The following MARCHF5 variants were observed in gnomAD, a reference collection of about 807,000 sequenced individuals.
MARCHF5 encodes membrane associated ring-CH-type finger 5.
MARCHF5 carries 5 observed loss-of-function variants against 36.5 expected under a neutral mutation model. That is an observed-to-expected ratio of 0.14 (90% CI 0.07 to 0.29). The LOEUF (loss-of-function observed/expected upper bound fraction) is 0.29, where lower values mean the gene tolerates loss of function less well. Among genes scored for constraint, MARCHF5 ranks in the 10% least tolerant of loss-of-function variants. The probability of loss-of-function intolerance (pLI) is 1.00; values close to 1 mark genes in which losing one functional copy is unlikely to be tolerated. For missense variants in MARCHF5, 179 were observed against 336.3 expected (o/e 0.53, Z 3.66); for synonymous variants, 103 against 109.9 (o/e 0.94, Z 0.39).
Position 92,303,119 on chromosome 10 carries a change from A to G in MARCHF5, c.36-8016A>G, listed in dbSNP as rs552494760. 9.8e-4 allele frequency among the ~76,000 whole-genome samples: 150 copies of G among 152,326 alleles called. 2 individuals are homozygous for G. In the South Asian group the frequency reaches 0.029, roughly 30 times the overall value. On this transcript the variant is annotated intron_variant, in intron 1 of 5. Transcript: ENST00000358935. ...TTGCTTAATTTAGTGCCAGTGAGAAACTATCTTTTTGATAAATAAAGCCCC... is the reference window on the plus strand; with the variant it reads ...TTGCTTAATTTAGTGCCAGTGAGAAGCTATCTTTTTGATAAATAAAGCCCC...
rs933866230 is a variant in MARCHF5 at position 92,353,954 on chromosome 10, T to A, written c.*2747T>A. The A allele has an allele frequency of 6.6e-6, 1 of 152,634 alleles. No homozygotes were observed. The highest frequency in any genetic ancestry group is 1.5e-5 in the Non-Finnish European group (1 of 68,028). The allele number at this position is 152,634 out of a possible 1,614,324, so 9.5% of individuals were successfully genotyped here. ...TGGCTGGATTAGGTTAAATAAAGAA[T>A]TTTTATGTTCTCTAGGTGTACTTTG... On this transcript the variant is annotated 3_prime_UTR_variant, in exon 6 of 6. Transcript: ENST00000358935.
intron 2 of MARCHF5, among the ~76,000 whole-genome samples, chr10:92,322,641 G>T (rs527722948): frequency 6.7e-6 from 1 of 149,490 alleles, no homozygotes; most frequent in African/African-American, 2.5e-5. Context: ...TAGTGACAGG[G>T]TTTTGCCATG....
At chr10:92,320,230 T>A (rs11492706) in intron 2 of MARCHF5, among the ~76,000 whole-genome samples, 7 of 145,882 alleles carry the variant, frequency 4.8e-5, no homozygotes, top group Admixed American at 2.1e-4. Context: ...ATTTTTTTTT[T>A]ATTTTTTGTA....
intron 2 of MARCHF5, among the ~76,000 whole-genome samples, chr10:92,331,544 G>T (rs1256407643): frequency 4.0e-5 from 6 of 151,572 alleles, no homozygotes; most frequent in African/African-American, 1.5e-4. Flanking sequence ...TATATTGTTT[G>T]TCCCTAACTA....
chr10:92,328,303 GTAGTGTTT>G (rs1242850521), intron 2 of MARCHF5, among the ~76,000 whole-genome samples: 10 of 146,246 alleles, frequency 6.8e-5, no homozygotes, highest in Non-Finnish European at 1.2e-4. Flanking sequence ...TTTGGCTGTT[GTAGTGTTT>G]GCCACATTTC....
chr10:92,334,376 T>A (rs1053463071), intron 2 of MARCHF5: 99 of 152,354 alleles, frequency 6.5e-4, no homozygotes, highest in African/African-American at 2.2e-3. Flanking sequence ...TTATACCAGG[T>A]TGTCTTGTAA....
chr10:92,315,133 T>C (rs891152308), intron 2 of MARCHF5, among the ~76,000 whole-genome samples: 1 of 152,138 alleles, frequency 6.6e-6, no homozygotes, highest in Non-Finnish European at 1.5e-5. Flanking sequence ...AAAGAAAATA[T>C]CTTCTTCTAA....
At chr10:92,342,779 A>G (rs1843594786) in intron 3 of MARCHF5, among the ~76,000 whole-genome samples, 2 of 152,216 alleles carry the variant, frequency 1.3e-5, no homozygotes, top group South Asian at 4.1e-4. Context: ...AGTAGTGAAC[A>G]CACTTAGGTT....
chr10:92,312,662 G>A (rs1350515604), intron 2 of MARCHF5, among the ~76,000 whole-genome samples: 2 of 152,156 alleles, frequency 1.3e-5, no homozygotes, highest in African/African-American at 4.8e-5. Flanking sequence ...AAATTAGATA[G>A]CCCCACCTTT....
At chr10:92,311,007 C>A in intron 1 of MARCHF5, 128 bp from the exon 2 acceptor site, 1 of 673,752 alleles carries the variant, frequency 1.5e-6, no homozygotes, top group South Asian at 2.0e-5. Flanking sequence ...TCTCCTTAGT[C>A]TTTTAATATA....
chr10:92,351,055 T>C, intron 5 of MARCHF5, 36 bp from the exon 6 acceptor site: 1 of 1,132,442 alleles, frequency 8.8e-7, no homozygotes, highest in Non-Finnish European at 1.3e-6. Context: ...TCTCTAAATC[T>C]GCATTATAAA....
chr10:92,303,251 TC>T (rs1215642293), intron 1 of MARCHF5, among the ~76,000 whole-genome samples: 1 of 152,234 alleles, frequency 6.6e-6, no homozygotes, highest in Non-Finnish European at 1.5e-5. Flanking sequence ...TTGTTATTCA[TC>T]CTTTCCCAAC....
Position 92,349,685 on chromosome 10 carries a change from G to C in MARCHF5, c.568G>C (p.Val190Leu). The change falls in exon 5 of 6, where the codon GTT (valine) becomes CTT (leucine). Residue 190 changes from valine to leucine, a missense_variant. Coordinates refer to ENST00000358935, the MANE Select transcript of MARCHF5 (RefSeq NM_017824.5). ...NSIFPGIGCP[V>L]PRIPAEANPL... ...TTTTCCTCTAGGGATAGGTTGTCCT[G>C]TTCCTCGAATTCCAGCTGAGGCCAA... The C allele has an allele frequency of 6.2e-7, 1 of 1,613,890 alleles. No homozygotes were observed. Among genetic ancestry groups the C allele is most frequent in the Middle Eastern group, 1.7e-4 (1 of 6,060 alleles).
At chr10:92,326,065 G>C (rs1346676465) in intron 2 of MARCHF5, among the ~76,000 whole-genome samples, 1 of 152,172 alleles carries the variant, frequency 6.6e-6, no homozygotes, top group Admixed American at 6.5e-5. Flanking sequence ...TCAAAAAGTG[G>C]TTGTCAAATG....
chr10:92,312,786 C>T (rs1564945627), intron 2 of MARCHF5, among the ~76,000 whole-genome samples: 1 of 152,200 alleles, frequency 6.6e-6, no homozygotes, highest in Non-Finnish European at 1.5e-5. Context: ...ATCAAGTTGA[C>T]AAGTGTATGG....
intron 2 of MARCHF5, among the ~76,000 whole-genome samples, chr10:92,328,029 T>G (rs1843387590): frequency 6.6e-6 from 1 of 152,072 alleles, no homozygotes; most frequent in Admixed American, 6.6e-5. Flanking sequence ...TCCCTGAAAC[T>G]CCTAACTCCA....
At chr10:92,339,644 T>C (rs184686940) in intron 2 of MARCHF5, among the ~76,000 whole-genome samples, 2 of 152,188 alleles carry the variant, frequency 1.3e-5, no homozygotes, top group Admixed American at 6.6e-5. Flanking sequence ...CACTCCAACC[T>C]GGGCGACAGA....
rs183702094 is a variant in MARCHF5, at chr10:92,313,050, A to G, written c.238+1713A>G. ...GGAGTTCGAGACCAACCCGGCCAAT[A>G]TGGTGAAACTATGTCTTTACTAAAA... On this transcript the variant is annotated intron_variant, in intron 2 of 5. Transcript: ENST00000358935. 6.1e-4 allele frequency among the ~76,000 whole-genome samples: 92 copies of G among 151,824 alleles called. 1 individual carries two copies. The East Asian group carries it at 0.013, about 21-fold the overall frequency.
intron 2 of MARCHF5, among the ~76,000 whole-genome samples, chr10:92,313,734 C>CA (rs894627064): frequency 6.6e-6 from 1 of 150,578 alleles, no homozygotes; most frequent in East Asian, 1.9e-4. Flanking sequence ...CCAAAAATAA[C>CA]AAAAAAAAAT....
Sources: gnomAD v4.1 joint callset for allele counts (sites outside exome capture counted in the v4.1 genomes callset) on GRCh38, gnomAD v4.1.1 for gene constraint, MANE v1.5 for transcripts, NCBI Gene and HGNC (gene_info 2026-07-23, HGNC 2026-07-21) for gene names.